The following LRP1B variants were observed in gnomAD, a reference collection of about 807,000 sequenced individuals.
The protein encoded by LRP1B is low-density lipoprotein receptor-related protein 1B.
In LRP1B, 217 loss-of-function variants were observed where a neutral mutation model predicts 556.6. The observed-to-expected ratio is 0.39, with a 90% confidence interval of 0.35 to 0.44. The LOEUF (loss-of-function observed/expected upper bound fraction) is 0.44. LRP1B is among the 20% of genes least tolerant of loss of function. LRP1B has a pLI of 1.00. For synonymous variants in LRP1B, 2,047 were observed against 1,865.8 expected, an observed-to-expected ratio of 1.10 and a Z score of -2.50; for missense variants, 5,053 against 5,620.8, an observed-to-expected ratio of 0.90 and a Z score of 3.23.
chr2:141,370,834 T>C (rs1208764931), intron 3 of LRP1B, among the ~76,000 whole-genome samples: 1 of 152,142 alleles, frequency 6.6e-6, no homozygotes, highest in Admixed American at 6.5e-5. Context: ...TGATGAGATA[T>C]ATGGATCCAG....
intron 2 of LRP1B, among the ~76,000 whole-genome samples, chr2:141,628,232 A>C (rs1252814367): frequency 1.3e-5 from 2 of 152,198 alleles, no homozygotes; most frequent in Admixed American, 1.3e-4. Flanking sequence ...AGATGATGAA[A>C]ATCAAATTGT....
intron 11 of LRP1B, among the ~76,000 whole-genome samples, chr2:141,048,333 T>A (rs143613523): frequency 0.02 from 3,052 of 152,228 alleles, 56 homozygotes; most frequent in Middle Eastern, 0.058. Flanking sequence ...AAAGTTAACA[T>A]TCTTTTGTTA....
intron 87 of LRP1B, among the ~76,000 whole-genome samples, chr2:140,243,876 C>T (rs968122005): frequency 6.6e-6 from 1 of 151,354 alleles, no homozygotes; most frequent in African/African-American, 2.4e-5. Flanking sequence ...ATCACCACCT[C>T]AGAGAAAACA....
intron 1 of LRP1B, among the ~76,000 whole-genome samples, chr2:142,016,358 A>G (rs1703129750): frequency 1.3e-5 from 2 of 152,206 alleles, no homozygotes; most frequent in African/African-American, 2.4e-5. Flanking sequence ...AAATCATTCT[A>G]CTATAAAGGC....
At chr2:141,045,321 G>A (rs889662610) in intron 11 of LRP1B, among the ~76,000 whole-genome samples, 1 of 150,538 alleles carries the variant, frequency 6.6e-6, no homozygotes, top group African/African-American at 2.4e-5. Flanking sequence ...CCTAATGCTA[G>A]ATGACGAGAT....
chr2:141,266,240 C>T (rs1253023101), intron 3 of LRP1B, among the ~76,000 whole-genome samples: 1 of 148,230 alleles, frequency 6.7e-6, no homozygotes, highest in African/African-American at 2.5e-5. Context: ...AGAAGAATGG[C>T]GTGAACCCGG....
At chr2:141,948,156 G>C (rs1404520999) in intron 1 of LRP1B, among the ~76,000 whole-genome samples, 2 of 151,964 alleles carry the variant, frequency 1.3e-5, no homozygotes, top group Non-Finnish European at 2.9e-5. Context: ...AAAATTAGCT[G>C]GGTGTAGTGG....
At chr2:140,801,314 G>T (rs554606507) in intron 32 of LRP1B, among the ~76,000 whole-genome samples, 2 of 152,286 alleles carry the variant, frequency 1.3e-5, no homozygotes, top group African/African-American at 4.8e-5. Flanking sequence ...TTGAAACGTG[G>T]ATGGTGTTTC....
At chr2:141,909,091 A>G (rs754918801) in intron 1 of LRP1B, among the ~76,000 whole-genome samples, 2 of 152,088 alleles carry the variant, frequency 1.3e-5, no homozygotes, top group Non-Finnish European at 2.9e-5. Context: ...GTATTAGGGA[A>G]AAACCTGTTT....
chr2:140,280,398 A>G (rs1682866408), intron 84 of LRP1B, among the ~76,000 whole-genome samples: 1 of 151,980 alleles, frequency 6.6e-6, no homozygotes, highest in African/African-American at 2.4e-5. Context: ...GTGGTTGAAG[A>G]CAAGATGAGT....
At position 141,516,917 on chromosome 2, in the gene LRP1B, G is replaced by A. The variant is rs528933834; in HGVS notation, c.206-36384C>T. ...TCAGCACGTTGGCCAGGCTGGTCTC[G>A]AACTCCTGACCTCAGGTGATCCGCC... On this transcript the variant is annotated intron_variant, in intron 2 of 90. Coordinates refer to ENST00000389484, the MANE Select transcript of LRP1B (RefSeq NM_018557.3). Among the ~76,000 whole-genome samples, 17 of 141,540 alleles carry A rather than the reference G, an allele frequency of 1.2e-4. No homozygotes were observed. In the South Asian group the frequency reaches 2.8e-3, roughly 23 times the overall value. 92.9% of individuals were successfully genotyped at this position (141,540 alleles called of 152,430 possible).
At chr2:141,637,089 C>CACAT (rs1689131598) in intron 2 of LRP1B, among the ~76,000 whole-genome samples, 2 of 151,952 alleles carry the variant, frequency 1.3e-5, no homozygotes, top group South Asian at 4.1e-4. Flanking sequence ...TTTTTTAAGG[C>CACAT]AAGCATGTGA....
At chr2:141,307,250 T>C (rs959595068) in intron 3 of LRP1B, among the ~76,000 whole-genome samples, 1 of 152,158 alleles carries the variant, frequency 6.6e-6, no homozygotes, top group African/African-American at 2.4e-5. Context: ...ATCTCTGCCT[T>C]TAGATTTAAT....
intron 41 of LRP1B, among the ~76,000 whole-genome samples, chr2:140,696,830 A>T (rs1686445719): frequency 6.6e-6 from 1 of 152,210 alleles, no homozygotes; most frequent in South Asian, 2.1e-4. Flanking sequence ...TGAAAAAATT[A>T]TCTTCCATCA....
chr2:140,559,381 C>T (rs1405121538), intron 43 of LRP1B, among the ~76,000 whole-genome samples: 1 of 151,708 alleles, frequency 6.6e-6, no homozygotes, highest in Non-Finnish European at 1.5e-5. Context: ...ATTAAAAGTT[C>T]CACAAAAAGT....
chr2:141,804,752 T>C (rs938722870), intron 2 of LRP1B, among the ~76,000 whole-genome samples: 1 of 151,998 alleles, frequency 6.6e-6, no homozygotes, highest in Non-Finnish European at 1.5e-5. Context: ...TACTATGGAA[T>C]AGGCACTTAT....
chr2:142,123,425 A>G (rs1278080143), intron 1 of LRP1B, among the ~76,000 whole-genome samples: 2 of 152,024 alleles, frequency 1.3e-5, no homozygotes, highest in Non-Finnish European at 2.9e-5. Flanking sequence ...GAATAAAACA[A>G]GAGACGATAG....
intron 2 of LRP1B, among the ~76,000 whole-genome samples, chr2:141,741,149 T>C (rs1693685780): frequency 6.6e-6 from 1 of 152,098 alleles, no homozygotes; most frequent in South Asian, 2.1e-4. Flanking sequence ...GTGCCACATG[T>C]TCTTTATCAA....
chr2:140,970,872 C>T (rs886386187), intron 18 of LRP1B, among the ~76,000 whole-genome samples: 9 of 151,508 alleles, frequency 5.9e-5, no homozygotes, highest in Admixed American at 1.3e-4. Context: ...TCCCTAGTAG[C>T]GGGGACTACA....
Sources: allele counts gnomAD v4.1 joint callset (sites outside exome capture counted in the v4.1 genomes callset), GRCh38; gene constraint gnomAD v4.1.1; transcripts MANE v1.5; gene names NCBI Gene and HGNC (gene_info 2026-07-23, HGNC 2026-07-21).